The following FAM234A variants were observed in gnomAD, a reference collection of about 807,000 sequenced individuals.
FAM234A encodes family with sequence similarity 234 member A, also known as protein FAM234A.
In FAM234A, 42 loss-of-function variants were observed where a neutral mutation model predicts 49.1. That is an observed-to-expected ratio of 0.86 (90% confidence interval 0.67 to 1.11). FAM234A has a LOEUF of 1.11. Ranked by LOEUF, FAM234A falls within the 50% of genes least tolerant of loss-of-function variation. The pLI, the probability that FAM234A is intolerant of heterozygous loss-of-function variation, is 0.00. For missense variants in FAM234A, 815 were observed against 745.2 expected, an observed-to-expected ratio of 1.09 and a Z score of -1.09; for synonymous variants, 369 against 316.2, an observed-to-expected ratio of 1.17 and a Z score of -1.77.
intron 1 of FAM234A, among the ~76,000 whole-genome samples, chr16:247,671 A>G (rs903137303): frequency 8.6e-5 from 13 of 151,732 alleles, no homozygotes; most frequent in African/African-American, 3.2e-4. Flanking sequence ...GACCTCAGGT[A>G]CTCCGCCTGC....
chr16:266,277 G>A (rs967703502), downstream of FAM234A, among the ~76,000 whole-genome samples: 1 of 152,218 alleles, frequency 6.6e-6, no homozygotes, highest in African/African-American at 2.4e-5. Context: ...TCAGAAACTG[G>A]GCACCCAGCA....
chr16:247,370 C>T (rs1208526886), intron 1 of FAM234A, among the ~76,000 whole-genome samples: 1 of 151,674 alleles, frequency 6.6e-6, no homozygotes, highest in Non-Finnish European at 1.5e-5. Context: ...CTCAAGCTTT[C>T]CATGCGCCTC....
chr16:263,465 C>T (rs948561779), intron 9 of FAM234A, 63 bp downstream of exon 9: 9 of 1,586,668 alleles, frequency 5.7e-6, no homozygotes, highest in Non-Finnish European at 7.7e-6. Context: ...CGGGCACATC[C>T]CGTTGGCTGG....
intron 1 of FAM234A, among the ~76,000 whole-genome samples, chr16:239,302 GAAAATA>G (rs1044050643): frequency 4.5e-5 from 6 of 133,270 alleles, no homozygotes; most frequent in South Asian, 2.6e-4. Context: ...TCTGACTCAA[GAAAATA>G]AAAATAAAAA....
intron 1 of FAM234A, among the ~76,000 whole-genome samples, chr16:236,009 T>C (rs68166893): frequency 0.28 from 42,497 of 151,682 alleles, 6,135 homozygotes; most frequent in South Asian, 0.34. Flanking sequence ...AAAAATTAGC[T>C]GCGTATGGTG....
In FAM234A at chr16:258,403, T is replaced by G. The variant is rs999221066; in HGVS notation, c.269-1080T>G. ...AGCATCTGTTTAACAAAGCACATCTTGCACCGCCCTTAATCCATTCAACCC... is the reference window on the plus strand; with the variant it reads ...AGCATCTGTTTAACAAAGCACATCTGGCACCGCCCTTAATCCATTCAACCC... On this transcript the variant is annotated intron_variant, in intron 3 of 12. Transcript: ENST00000399932. Among the ~76,000 whole-genome samples, 123 of 152,274 alleles carry G rather than the reference T, an allele frequency of 8.1e-4. 1 individual carries two copies. The highest frequency in any genetic ancestry group is 2.7e-3 in the African/African-American group (112 of 41,562).
At chr16:254,704 A>G (rs1306598800) in intron 3 of FAM234A, 23 bp downstream of exon 3, 6 of 1,610,694 alleles carry the variant, frequency 3.7e-6, no homozygotes, top group Admixed American at 1.7e-5. Flanking sequence ...TTCCCCGCCC[A>G]GTGGGGTCCA....
intron 10 of FAM234A, 66 bp from the exon 11 acceptor site, chr16:263,950 G>A (rs1194468970): frequency 2.6e-6 from 4 of 1,547,204 alleles, no homozygotes; most frequent in Admixed American, 1.7e-5. Flanking sequence ...ACGTGTGCCT[G>A]TGCAAGCCTC....
At position 265,345 on chromosome 16, in the gene FAM234A, A is replaced by G; in HGVS notation, c.*323A>G. ...TGGCCACCTTGGGCAGAGCTGGGTC[A>G]TGCAGCACCCCATCCTTACCCGGTG... is the stretch of plus-strand genomic sequence containing the variant. On this transcript the variant is annotated 3_prime_UTR_variant, in exon 13 of 13. Coordinates refer to ENST00000399932, the MANE Select transcript of FAM234A (RefSeq NM_032039.4). 1 of 1,132,066 alleles carries G rather than the reference A, an allele frequency of 8.8e-7. No homozygotes were observed. The highest frequency in any genetic ancestry group is 1.1e-6 in the Non-Finnish European group (1 of 922,066). The allele number at this position is 1,132,066 out of a possible 1,614,324, so 70.1% of individuals were successfully genotyped here.
At chr16:267,144 A>G (rs931539150), downstream of FAM234A, among the ~76,000 whole-genome samples, 5 of 149,102 alleles carry the variant, frequency 3.4e-5, no homozygotes, top group African/African-American at 1.3e-4. Flanking sequence ...AGTCTGGGCC[A>G]TGCCATGCCA....
chr16:268,351 A>T (rs1221538883), downstream of FAM234A: 1 of 262,022 alleles, frequency 3.8e-6, no homozygotes, highest in African/African-American at 2.2e-5. Flanking sequence ...TGTGTGCTGG[A>T]CGCTGTTGGG....
In FAM234A at chr16:264,905, C is replaced by G. The variant is rs1430884264; in HGVS notation, c.1542C>G (p.His514Gln). The change falls in exon 13 of 13, where the codon CAC becomes CAG. Residue 514 changes from histidine (H) to glutamine (Q), a missense_variant. Physicochemically the swap from His to Gln is conservative, Grantham distance 24. Transcript: ENST00000399932. The stretch of plus-strand genomic sequence containing the variant: ...CCGGCCTGGTCTCTGTGATCAAGCA[C>G]AAGGTGCGGGACCTTGTCCCAAGCA... ...EAPGLVSVIK[H>Q]KVRDLVPSSR... 1 of 1,612,996 alleles carries G rather than the reference C, an allele frequency of 6.2e-7. No individual in the cohort carries two copies. Among genetic ancestry groups the G allele is most frequent in the Admixed American group, 1.7e-5 (1 of 60,002 alleles).
intron 2 of FAM234A, among the ~76,000 whole-genome samples, chr16:253,076 G>T (rs778070863): frequency 6.6e-6 from 1 of 152,182 alleles, no homozygotes; most frequent in Non-Finnish European, 1.5e-5. Flanking sequence ...TTTTTTTCTC[G>T]TTTTATACAG....
Position 252,020 on chromosome 16 carries a change from A to G in FAM234A, c.-33-2361A>G, listed in dbSNP as rs1314550445. Among the ~76,000 whole-genome samples, 9 of 141,672 alleles carry G rather than the reference A, an allele frequency of 6.4e-5. No individual in the cohort carries two copies. The East Asian group carries it at 1.6e-3, about 25-fold the overall frequency. 92.9% of individuals were successfully genotyped at this position (141,672 alleles called of 152,430 possible). On this transcript the variant is annotated intron_variant, in intron 2 of 12. Transcript: ENST00000399932. ...TCCGTCTCAAAAAAAAAAAAAAAAAAAGAGATGGGTCTCTCTGTTGCCCAG... is the reference window on the plus strand; with the variant it reads ...TCCGTCTCAAAAAAAAAAAAAAAAAGAGAGATGGGTCTCTCTGTTGCCCAG...
chr16:241,699 C>T (rs1339265350), intron 1 of FAM234A, among the ~76,000 whole-genome samples: 4 of 151,948 alleles, frequency 2.6e-5, no homozygotes, highest in African/African-American at 7.3e-5. Flanking sequence ...GGGCGGATCA[C>T]GAGGTCAGCA....
chr16:267,909 TCA>T (rs1176998903), downstream of FAM234A, among the ~76,000 whole-genome samples: 1 of 139,872 alleles, frequency 7.1e-6, no homozygotes, highest in Non-Finnish European at 1.5e-5. Context: ...CATGCATGCC[TCA>T]CAGTACACCT....
At chr16:258,744 C>T (rs1414603897) in intron 3 of FAM234A, among the ~76,000 whole-genome samples, 2 of 152,164 alleles carry the variant, frequency 1.3e-5, no homozygotes, top group Non-Finnish European at 2.9e-5. Context: ...GGCAGAGGCG[C>T]CCCTCACCTC....
At chr16:253,979 A>C (rs1661471519) in intron 2 of FAM234A, 2 of 209,724 alleles carry the variant, frequency 9.5e-6, no homozygotes, top group Admixed American at 1.1e-4. Context: ...ATGTGTGCGC[A>C]CCTGGGTCAC....
At chr16:251,147 T>G (rs533730756) in intron 2 of FAM234A, among the ~76,000 whole-genome samples, 6 of 152,078 alleles carry the variant, frequency 3.9e-5, no homozygotes, top group East Asian at 1.9e-4. Flanking sequence ...TTAGTAGAGA[T>G]GGCTTTCACC....
Sources: gnomAD v4.1 joint callset for allele counts (sites outside exome capture counted in the v4.1 genomes callset) on GRCh38, gnomAD v4.1.1 for gene constraint, MANE v1.5 for transcripts, NCBI Gene and HGNC (gene_info 2026-07-23, HGNC 2026-07-21) for gene names.